Variants in HS3ST2 observed in about 807,000 individuals in gnomAD.
HS3ST2 encodes the protein heparan sulfate glucosamine 3-O-sulfotransferase 2.
HS3ST2 carries 17 observed loss-of-function variants against 26.3 expected under a neutral mutation model. The ratio of observed to expected loss-of-function variants is 0.65; its 90% CI spans 0.44 to 0.97. HS3ST2 has a LOEUF of 0.97. HS3ST2 is among the 50% of genes least tolerant of loss of function. The pLI is 0.00. For synonymous variants in HS3ST2, 237 were observed against 219.2 expected, an observed-to-expected ratio of 1.08 and a Z score of -0.72; for missense variants, 402 against 501.2, an observed-to-expected ratio of 0.80 and a Z score of 1.89.
At chr16:22,856,324 T>C (rs1196209075) in intron 1 of HS3ST2, among the ~76,000 whole-genome samples, 1 of 152,224 alleles carries the variant, frequency 6.6e-6, no homozygotes, top group African/African-American at 2.4e-5. Context: ...CATGTAAATG[T>C]GCCATGTAGA....
At chr16:22,871,612 A>C (rs948939465) in intron 1 of HS3ST2, among the ~76,000 whole-genome samples, 2 of 152,198 alleles carry the variant, frequency 1.3e-5, no homozygotes, top group African/African-American at 4.8e-5. Context: ...ACAAAAACAC[A>C]ATCTCCATAG....
chr16:22,836,288 C>T (rs903731354), intron 1 of HS3ST2, among the ~76,000 whole-genome samples: 5 of 152,130 alleles, frequency 3.3e-5, no homozygotes, highest in African/African-American at 1.2e-4. Context: ...CTTGCACTAC[C>T]GATAAAGAAG....
In HS3ST2 at chr16:22,874,552, A is replaced by T. The variant is rs760459486; in HGVS notation, c.486-40392A>T. ...TGGCTTGACCATAGGCAGTGAGCCCATATGGCTGTGAGTCTGTCTCCTGGG... is the reference window on the plus strand; with the variant it reads ...TGGCTTGACCATAGGCAGTGAGCCCTTATGGCTGTGAGTCTGTCTCCTGGG... On this transcript the variant is annotated intron_variant, in intron 1 of 1. Coordinates refer to ENST00000261374, the MANE Select transcript of HS3ST2 (RefSeq NM_006043.2). 4.4e-4 allele frequency among the ~76,000 whole-genome samples: 67 copies of T among 152,218 alleles called. 1 individual carries two copies. The highest frequency in any genetic ancestry group is 2.5e-4 in the Non-Finnish European group (17 of 68,044).
chr16:22,837,633 A>G (rs1301519110), intron 1 of HS3ST2, among the ~76,000 whole-genome samples: 1 of 149,872 alleles, frequency 6.7e-6, no homozygotes, highest in Non-Finnish European at 1.5e-5. Context: ...ACACACAAAC[A>G]CACACACATA....
intron 1 of HS3ST2, among the ~76,000 whole-genome samples, chr16:22,892,238 C>T (rs1036207638): frequency 1.3e-5 from 2 of 149,856 alleles, no homozygotes; most frequent in South Asian, 2.1e-4. Flanking sequence ...TGGAGTGAGC[C>T]GAGATCGTGC....
intron 1 of HS3ST2, among the ~76,000 whole-genome samples, chr16:22,890,582 C>A (rs149534295): frequency 8.1e-4 from 124 of 152,264 alleles, no homozygotes; most frequent in Middle Eastern, 3.4e-3. Flanking sequence ...CTTTTTAGGT[C>A]TTACCCAGTA....
chr16:22,895,668 G>A (rs1319133661), intron 1 of HS3ST2, among the ~76,000 whole-genome samples: 8 of 151,882 alleles, frequency 5.3e-5, no homozygotes, highest in South Asian at 2.1e-4. Flanking sequence ...AATACAATCC[G>A]TCTTTTATAC....
At chr16:22,897,052 A>G (rs1289082120) in intron 1 of HS3ST2, among the ~76,000 whole-genome samples, 1 of 152,166 alleles carries the variant, frequency 6.6e-6, no homozygotes, top group Admixed American at 6.5e-5. Context: ...CAAGCAATCC[A>G]GTCACCTAGC....
At chr16:22,861,507 A>T (rs1901673953) in intron 1 of HS3ST2, among the ~76,000 whole-genome samples, 1 of 151,958 alleles carries the variant, frequency 6.6e-6, no homozygotes, top group African/African-American at 2.4e-5. Flanking sequence ...AGGAGCCACC[A>T]TCCCCAGGAC....
intron 1 of HS3ST2, among the ~76,000 whole-genome samples, chr16:22,850,996 C>T (rs1224097299): frequency 6.6e-6 from 1 of 152,144 alleles, no homozygotes; most frequent in Non-Finnish European, 1.5e-5. Context: ...GGGCTTTCAA[C>T]CAGAGTGACT....
intron 1 of HS3ST2, among the ~76,000 whole-genome samples, chr16:22,822,717 T>A (rs529564206): frequency 2.0e-5 from 3 of 151,740 alleles, no homozygotes; most frequent in Admixed American, 2.0e-4. Context: ...TAGCTGGGCG[T>A]GGTGGCGTGC....
chr16:22,902,155 CTT>C (rs1418506003), intron 1 of HS3ST2, among the ~76,000 whole-genome samples: 1 of 152,176 alleles, frequency 6.6e-6, no homozygotes, highest in African/African-American at 2.4e-5. Context: ...CTACAACCTG[CTT>C]TTTTCACTTA....
In HS3ST2 at chr16:22,914,932, C is replaced by T; in HGVS notation, c.486-12C>T. The T allele has an allele frequency of 6.2e-7, 1 of 1,601,994 alleles. No homozygotes were observed. The highest frequency in any genetic ancestry group is 1.1e-5 in the South Asian group (1 of 89,660). ...AAACCTATTTGATGATGTATTCCTT[C>T]TGCCCACACAGGAGCCTGATGCCCA... On this transcript the variant is annotated splice_polypyrimidine_tract_variant and intron_variant, in intron 1 of 1. Transcript: ENST00000261374.
chr16:22,901,498 G>A (rs1454705335), intron 1 of HS3ST2, among the ~76,000 whole-genome samples: 1 of 152,114 alleles, frequency 6.6e-6, no homozygotes, highest in East Asian at 1.9e-4. Flanking sequence ...AGTGTGACAG[G>A]CACAGGCTTA....
At chr16:22,883,688 T>C (rs1503951) in intron 1 of HS3ST2, among the ~76,000 whole-genome samples, 71,371 of 152,120 alleles carry the variant, frequency 0.47, 17,194 homozygotes, top group Non-Finnish European at 0.51. Context: ...CAATTAATGC[T>C]TCTCTTCACT....
At chr16:22,874,976 T>C (rs1464980858) in intron 1 of HS3ST2, among the ~76,000 whole-genome samples, 1 of 152,124 alleles carries the variant, frequency 6.6e-6, no homozygotes, top group East Asian at 1.9e-4. Context: ...ACAATCCTAA[T>C]AGTGGCCAGC....
chr16:22,821,285 G>A (rs935703118), intron 1 of HS3ST2, among the ~76,000 whole-genome samples: 1 of 151,678 alleles, frequency 6.6e-6, no homozygotes, highest in Non-Finnish European at 1.5e-5. Context: ...GGCCCTAGCG[G>A]ATTTGAAGCA....
intron 1 of HS3ST2, among the ~76,000 whole-genome samples, chr16:22,853,188 C>A (rs1010681978): frequency 1.3e-5 from 2 of 152,136 alleles, no homozygotes; most frequent in African/African-American, 2.4e-5. Flanking sequence ...CCCCATGCAC[C>A]TTTCCAGACA....
chr16:22,914,844 A>C, intron 1 of HS3ST2, 100 bp from the exon 2 acceptor site: 2 of 1,161,992 alleles, frequency 1.7e-6, no homozygotes, highest in South Asian at 1.5e-5. Context: ...GGCCAGGAGG[A>C]GGATGCAACA....
Sources: allele counts gnomAD v4.1 joint callset (sites outside exome capture counted in the v4.1 genomes callset), GRCh38; gene constraint gnomAD v4.1.1; transcripts MANE v1.5; gene names NCBI Gene and HGNC (gene_info 2026-07-23, HGNC 2026-07-21).